The following LOC400499 variants were observed in gnomAD, a reference collection of about 807,000 sequenced individuals.
chr16:11,481,617 C>T, the LOC400499 span, among the ~76,000 whole-genome samples: 1 of 152,082 alleles, frequency 6.6e-6, no homozygotes, highest in African/African-American at 2.4e-5. Flanking sequence ...GCCACCGCGC[C>T]CAGCCCTATT....
chr16:11,461,817 C>T, the LOC400499 span, among the ~76,000 whole-genome samples: 1 of 152,202 alleles, frequency 6.6e-6, no homozygotes, highest in Non-Finnish European at 1.5e-5. Context: ...GCACCAGGGC[C>T]AGCACCTGCT....
the LOC400499 span, among the ~76,000 whole-genome samples, chr16:11,466,786 G>A: frequency 6.6e-6 from 1 of 152,118 alleles, no homozygotes; most frequent in Non-Finnish European, 1.5e-5. Context: ...TCATTTAAAT[G>A]TATTGCCTAT....
At chr16:11,506,956 C>T in the LOC400499 span, among the ~76,000 whole-genome samples, 1 of 152,214 alleles carries the variant, frequency 6.6e-6, no homozygotes, top group Admixed American at 6.5e-5. Flanking sequence ...GCATTTCACC[C>T]CTCAGCCCAG....
chr16:11,376,677 C>A, the LOC400499 span, among the ~76,000 whole-genome samples: 3 of 152,008 alleles, frequency 2.0e-5, no homozygotes, highest in Non-Finnish European at 4.4e-5. Flanking sequence ...ATTTGGAGTC[C>A]CTTGAAATTG....
At chr16:11,421,002 G>A in the LOC400499 span, among the ~76,000 whole-genome samples, 1 of 152,180 alleles carries the variant, frequency 6.6e-6, no homozygotes, top group African/African-American at 2.4e-5. Context: ...CAGGGGCTCT[G>A]TACTGCTGGC....
At chr16:11,460,342 C>T in the LOC400499 span, 1 of 1,147,882 alleles carries the variant, frequency 8.7e-7, no homozygotes, top group Non-Finnish European at 1.2e-6. Flanking sequence ...GAAGTTCCAG[C>T]CCCGGATCCA....
the LOC400499 span, among the ~76,000 whole-genome samples, chr16:11,462,982 TGGCAACTAATCTCCACAC>T: frequency 6.6e-6 from 1 of 152,166 alleles, no homozygotes; most frequent in Non-Finnish European, 1.5e-5. Context: ...ATCCCGCTGG[TGGCAACTAATCTCCACAC>T]GGCAACCAGA....
At chr16:11,434,344 A>G in the LOC400499 span, among the ~76,000 whole-genome samples, 1 of 152,212 alleles carries the variant, frequency 6.6e-6, no homozygotes, top group African/African-American at 2.4e-5. Context: ...CAACATAGCA[A>G]GACCCCGTTC....
chr16:11,382,779 C>T, the LOC400499 span, among the ~76,000 whole-genome samples: 2 of 152,124 alleles, frequency 1.3e-5, no homozygotes, highest in Non-Finnish European at 2.9e-5. Context: ...CACTGCACTC[C>T]AGCCTGGGTG....
the LOC400499 span, among the ~76,000 whole-genome samples, chr16:11,459,181 T>C: frequency 2.0e-5 from 3 of 147,810 alleles, no homozygotes; most frequent in Non-Finnish European, 3.0e-5. Context: ...AAAAATATCC[T>C]AAACCAATTT....
chr16:11,414,179 G>C, the LOC400499 span, among the ~76,000 whole-genome samples: 1 of 152,234 alleles, frequency 6.6e-6, no homozygotes, highest in East Asian at 1.9e-4. Flanking sequence ...AGCAGACCTG[G>C]TTATAGCGAT....
At chr16:11,462,375 G>T in the LOC400499 span, 1 of 1,399,682 alleles carries the variant, frequency 7.1e-7, no homozygotes, top group South Asian at 1.6e-5. Flanking sequence ...CACGAACTGG[G>T]ACCAGACAGG....
chr16:11,469,681 A>G, the LOC400499 span: 1 of 398,894 alleles, frequency 2.5e-6, no homozygotes, highest in Non-Finnish European at 4.4e-6. Flanking sequence ...GAAATAGCAG[A>G]GTCTTCAAGA....
chr16:11,469,133 T>C, the LOC400499 span: 2 of 398,874 alleles, frequency 5.0e-6, no homozygotes, highest in Non-Finnish European at 8.8e-6. Flanking sequence ...CCTGGGGAGG[T>C]GTCAGGTGCA....
the LOC400499 span, chr16:11,501,930 CT>C: frequency 2.5e-6 from 1 of 392,772 alleles, no homozygotes; most frequent in Non-Finnish European, 4.5e-6. Flanking sequence ...CATTCTCAGA[CT>C]GAAGGACAAG....
the LOC400499 span, chr16:11,435,744 C>T: frequency 2.5e-6 from 1 of 399,336 alleles, no homozygotes; most frequent in East Asian, 3.6e-5. Flanking sequence ...AGGACACTCA[C>T]ACCCCAGCCC....
At chr16:11,460,988 G>C in the LOC400499 span, 2 of 1,535,480 alleles carry the variant, frequency 1.3e-6, no homozygotes, top group Non-Finnish European at 1.7e-6. Context: ...TGGATCCTCA[G>C]GGAGTTGGTC....
chr16:11,397,802 G>T, the LOC400499 span, among the ~76,000 whole-genome samples: 3 of 150,216 alleles, frequency 2.0e-5, no homozygotes, highest in Non-Finnish European at 4.4e-5. Flanking sequence ...AGGGAGGGAT[G>T]GACGGACGGA....
the LOC400499 span, chr16:11,435,911 TC>T: frequency 3.0e-5 from 12 of 398,772 alleles, no homozygotes; most frequent in African/African-American, 2.5e-4. Context: ...ACAGGAAGGG[TC>T]TATGGGATCC....
Sources: gnomAD v4.1 joint callset for allele counts (sites outside exome capture counted in the v4.1 genomes callset) on GRCh38, gnomAD v4.1.1 for gene constraint, MANE v1.5 for transcripts.